The following TNKS variants were observed in gnomAD, a reference collection of about 807,000 sequenced individuals.
TNKS encodes the protein tankyrase.
A neutral mutation model predicts 135.8 loss-of-function variants in TNKS; 72 were observed. That is an observed-to-expected ratio of 0.53 (90% confidence interval 0.44 to 0.64). The LOEUF (loss-of-function observed/expected upper bound fraction) is 0.64, where lower values mean the gene tolerates loss of function less well. Ranked by LOEUF, TNKS falls within the 30% of genes least tolerant of loss-of-function variation. The probability of loss-of-function intolerance (pLI) is 0.00; values close to 1 mark genes in which losing one functional copy is unlikely to be tolerated. For synonymous variants in TNKS, 849 were observed against 649.3 expected, an observed-to-expected ratio of 1.31 and a Z score of -4.68; for missense variants, 1,769 against 1,674.0, an observed-to-expected ratio of 1.06 and a Z score of -0.99.
At chr8:9,614,170 G>A (rs1205669022) in intron 2 of TNKS, among the ~76,000 whole-genome samples, 2 of 152,070 alleles carry the variant, frequency 1.3e-5, no homozygotes, top group African/African-American at 4.8e-5. Context: ...AAAACATGTT[G>A]TTACAATAGC....
intron 20 of TNKS, among the ~76,000 whole-genome samples, chr8:9,754,366 G>A (rs1047374592): frequency 1.1e-4 from 17 of 152,164 alleles, no homozygotes; most frequent in Admixed American, 5.2e-4. Context: ...TTCTTTATAT[G>A]ACATAATTTT....
At chr8:9,663,530 A>T (rs1484306246) in intron 3 of TNKS, among the ~76,000 whole-genome samples, 1 of 152,200 alleles carries the variant, frequency 6.6e-6, no homozygotes, top group Non-Finnish European at 1.5e-5. Context: ...CTGTTCTAAC[A>T]CTGTCTGCTT....
intron 3 of TNKS, among the ~76,000 whole-genome samples, chr8:9,623,500 T>G (rs936692340): frequency 6.6e-6 from 1 of 151,818 alleles, no homozygotes; most frequent in African/African-American, 2.4e-5. Flanking sequence ...TAGTGTGCAG[T>G]AGCATTATGT....
Position 9,763,145 on chromosome 8 carries a change from A to T in TNKS, c.3275-2A>T. On this transcript the variant is annotated splice_acceptor_variant, in intron 21 of 26. Transcript: ENST00000310430. LOFTEE classifies it high-confidence loss of function. ...TTATATGTTAATTTTTCTCTCCGAC[A>T]GGCACCAATCCTTATTTGACTTTTC... is the stretch of plus-strand genomic sequence containing the variant. 6.4e-7 allele frequency: 1 copy of T among 1,565,816 alleles called. No homozygotes were observed. Among genetic ancestry groups the T allele is most frequent in the Non-Finnish European group, 8.7e-7 (1 of 1,150,312 alleles).
intron 1 of TNKS, among the ~76,000 whole-genome samples, chr8:9,564,402 C>G (rs531927585): frequency 2.0e-4 from 31 of 152,050 alleles, no homozygotes; most frequent in Non-Finnish European, 3.2e-4. Flanking sequence ...GCTTAGAATC[C>G]AGAAGAAAAG....
chr8:9,730,820 T>A, intron 13 of TNKS, 70 bp from the exon 14 acceptor site: 1 of 1,536,118 alleles, frequency 6.5e-7, no homozygotes, highest in Non-Finnish European at 8.8e-7. Context: ...GTTGAACTAT[T>A]TTGGGGCAAA....
chr8:9,556,944 GT>G (rs1164938488), intron 1 of TNKS: 1 of 477,382 alleles, frequency 2.1e-6, no homozygotes, highest in African/African-American at 1.9e-5. Flanking sequence ...CTTTAGAGTA[GT>G]TTTGTCGTTT....
intron 3 of TNKS, among the ~76,000 whole-genome samples, chr8:9,618,198 G>C (rs1301965310): frequency 6.6e-6 from 1 of 152,064 alleles, no homozygotes; most frequent in Non-Finnish European, 1.5e-5. Flanking sequence ...TGCTGGCCAG[G>C]CTGATCTCGA....
intron 25 of TNKS, 125 bp downstream of exon 25, chr8:9,766,550 G>A (rs550191174): frequency 3.4e-5 from 29 of 848,714 alleles, no homozygotes; most frequent in East Asian, 9.4e-5. Context: ...GCGGTGGCAC[G>A]ATCCTGGCTC....
chr8:9,614,185 C>T (rs754483319), intron 2 of TNKS, among the ~76,000 whole-genome samples: 8 of 152,148 alleles, frequency 5.3e-5, no homozygotes, highest in Non-Finnish European at 1.0e-4. Context: ...AATAGCTGTA[C>T]CCATTATGAT....
chr8:9,607,011 G>A (rs1442228705), intron 2 of TNKS, among the ~76,000 whole-genome samples: 1 of 151,872 alleles, frequency 6.6e-6, no homozygotes, highest in Non-Finnish European at 1.5e-5. Context: ...CTAGACTAGG[G>A]CTTATTCTAG....
intron 2 of TNKS, among the ~76,000 whole-genome samples, chr8:9,582,319 T>G (rs903863500): frequency 9.2e-5 from 14 of 152,200 alleles, no homozygotes; most frequent in African/African-American, 1.4e-4. Context: ...CTTGTTTTTT[T>G]TTTGTTTGTT....
At chr8:9,590,802 A>G (rs1244580957) in intron 2 of TNKS, among the ~76,000 whole-genome samples, 2 of 152,226 alleles carry the variant, frequency 1.3e-5, no homozygotes, top group African/African-American at 2.4e-5. Flanking sequence ...AAAGTTTCTT[A>G]CTAGAAAAAT....
In TNKS at chr8:9,580,512, C is replaced by T. The variant is rs193100880; in HGVS notation, c.898+129C>T. On this transcript the variant is annotated intron_variant, in intron 2 of 26. Coordinates refer to ENST00000310430, the MANE Select transcript of TNKS (RefSeq NM_003747.3). ...GCTTCTTGTAGAAGCAGTTCTTTTC[C>T]ATCAAAAGGTAAACAGAGAGATGGT... The T allele has an allele frequency of 1.7e-3, 1,337 of 789,770 alleles. 8 individuals are homozygous for T. Among genetic ancestry groups the T allele is most frequent in the African/African-American group, 0.014 (829 of 57,464 alleles). The allele number at this position is 789,770 out of a possible 1,614,324, so 48.9% of individuals were successfully genotyped here. A position where few individuals can be genotyped will look rare whatever the true frequency, so the allele number is the denominator to read the frequency against.
chr8:9,606,778 C>G (rs373416423), intron 2 of TNKS, among the ~76,000 whole-genome samples: 2 of 152,118 alleles, frequency 1.3e-5, no homozygotes, highest in South Asian at 4.2e-4. Context: ...ACATGGTAGT[C>G]ACTCTGTGAT....
At chr8:9,672,589 G>A (rs1352839474) in intron 3 of TNKS, among the ~76,000 whole-genome samples, 11 of 145,276 alleles carry the variant, frequency 7.6e-5, no homozygotes, top group Admixed American at 7.0e-4. Flanking sequence ...AAGTTGTTTT[G>A]GATCAAATAG....
intron 3 of TNKS, among the ~76,000 whole-genome samples, chr8:9,678,705 G>T (rs968148356): frequency 6.6e-6 from 1 of 152,112 alleles, no homozygotes; most frequent in African/African-American, 2.4e-5. Context: ...AGATGTCTTT[G>T]TAATATTTGC....
At chr8:9,718,189 T>C (rs1804701890) in intron 11 of TNKS, among the ~76,000 whole-genome samples, 1 of 152,184 alleles carries the variant, frequency 6.6e-6, no homozygotes, top group East Asian at 1.9e-4. Flanking sequence ...TTGTTGACTT[T>C]CAATTTGTTG....
intron 3 of TNKS, among the ~76,000 whole-genome samples, chr8:9,638,605 ATTT>A (rs1337234748): frequency 6.6e-6 from 1 of 152,226 alleles, no homozygotes; most frequent in Non-Finnish European, 1.5e-5. Flanking sequence ...TTCTAAGTTT[ATTT>A]TGCTTTAAAT....
Sources: allele counts gnomAD v4.1 joint callset (sites outside exome capture counted in the v4.1 genomes callset), GRCh38; gene constraint gnomAD v4.1.1; transcripts MANE v1.5; gene names NCBI Gene and HGNC (gene_info 2026-07-23, HGNC 2026-07-21).